The following ARL5B variants were observed in gnomAD, a reference collection of about 807,000 sequenced individuals.
ARL5B encodes the protein ADP-ribosylation factor-like protein 5B.
ARL5B carries 10 observed loss-of-function variants against 26.9 expected under a neutral mutation model. The ratio of observed to expected loss-of-function variants is 0.37; its 90% CI spans 0.23 to 0.63. The LOEUF (loss-of-function observed/expected upper bound fraction) is 0.63. Ranked by LOEUF, ARL5B falls within the 30% of genes least tolerant of loss-of-function variation. The probability of loss-of-function intolerance (pLI) is 0.62; values close to 1 mark genes in which losing one functional copy is unlikely to be tolerated. For synonymous variants in ARL5B, 87 were observed against 70.4 expected (o/e 1.24, Z -1.18); for missense variants, 167 against 213.9 (o/e 0.78, Z 1.37).
intron 1 of ARL5B, among the ~76,000 whole-genome samples, chr10:18,666,026 C>A (rs370704040): frequency 6.6e-6 from 1 of 152,100 alleles, no homozygotes. Flanking sequence ...AAATGTTAAA[C>A]AATGAGTAAT....
chr10:18,670,526 G>A (rs182559797), intron 3 of ARL5B, among the ~76,000 whole-genome samples: 97 of 152,208 alleles, frequency 6.4e-4, no homozygotes, highest in Non-Finnish European at 1.1e-3. Flanking sequence ...CATGAGAATC[G>A]CTTGAACCTG....
chr10:18,663,107 C>G (rs1208283858), intron 1 of ARL5B, among the ~76,000 whole-genome samples: 1 of 152,096 alleles, frequency 6.6e-6, no homozygotes, highest in Non-Finnish European at 1.5e-5. Flanking sequence ...CTCCCAAGTT[C>G]AAGCAATTCT....
Position 18,673,951 on chromosome 10 carries a change from T to C in ARL5B, c.340-33T>C, listed in dbSNP as rs550949885. On this transcript the variant is annotated intron_variant, in intron 4 of 5. Transcript: ENST00000377275. ...CTGGGTAAATTTAAATTGTGGTATT[T>C]CACATATTAGAAATATTTTGTCTTG... 5 of 1,567,854 alleles carry C rather than the reference T, an allele frequency of 3.2e-6. No homozygotes were observed. The East Asian group carries it at 7.0e-5, about 22-fold the overall frequency.
rs972442019 is a variant in ARL5B at position 18,659,462 on chromosome 10, G to T, written c.-176G>T. The T allele has an allele frequency of 1.3e-6, 1 of 771,398 alleles. No homozygotes were observed. The highest frequency in any genetic ancestry group is 1.9e-5 in the African/African-American group (1 of 53,322). The allele number at this position is 771,398 out of a possible 1,614,324, so 47.8% of individuals were successfully genotyped here. A position where few individuals can be genotyped will look rare whatever the true frequency, so the allele number is the denominator to read the frequency against. Reference sequence around the variant, plus strand: ...CTCGAAACAAAGGGCTGTCCGGTGGGGATTCGTCGCGGCGCCTTCTGAGTG... The same window carrying T: ...CTCGAAACAAAGGGCTGTCCGGTGGTGATTCGTCGCGGCGCCTTCTGAGTG... On this transcript the variant is annotated 5_prime_UTR_variant, in exon 1 of 6. Transcript: ENST00000377275.
chr10:18,675,095 T>G, intron 5 of ARL5B, 73 bp from the exon 6 acceptor site: 4 of 1,438,064 alleles, frequency 2.8e-6, no homozygotes, highest in Non-Finnish European at 3.9e-6. Context: ...GGTTAAGACC[T>G]AAAAATAATA....
Position 18,665,370 on chromosome 10 carries a change from A to G in ARL5B, c.47-1205A>G, listed in dbSNP as rs113610196. On this transcript the variant is annotated intron_variant, in intron 1 of 5. Coordinates refer to ENST00000377275, the MANE Select transcript of ARL5B (RefSeq NM_178815.5). ...AGAATTATAGTGAGTTATACTAAGC[A>G]GGCAAGTTTTGTTTTGTTTTACAAA... 4.6e-5 allele frequency among the ~76,000 whole-genome samples: 7 copies of G among 152,302 alleles called. 1 individual carries two copies. Among genetic ancestry groups the G allele is most frequent in the African/African-American group, 1.4e-4 (6 of 41,566 alleles).
intron 2 of ARL5B, 98 bp from the exon 3 acceptor site, chr10:18,668,432 T>A: frequency 7.8e-7 from 1 of 1,279,742 alleles, no homozygotes; most frequent in South Asian, 1.4e-5. Flanking sequence ...TCACCATCAT[T>A]GGTGCAGAAG....
chr10:18,671,905 C>T (rs1473366659), intron 3 of ARL5B, among the ~76,000 whole-genome samples: 1 of 152,208 alleles, frequency 6.6e-6, no homozygotes, highest in African/African-American at 2.4e-5. Flanking sequence ...TCCCACCTCA[C>T]CTCCCAGAGT....
intron 3 of ARL5B, among the ~76,000 whole-genome samples, chr10:18,669,597 A>G (rs1017258564): frequency 6.6e-6 from 1 of 152,142 alleles, no homozygotes; most frequent in African/African-American, 2.4e-5. Context: ...GTTTAGAGAG[A>G]TTTATCCTTG....
intron 2 of ARL5B, among the ~76,000 whole-genome samples, chr10:18,667,206 A>G (rs2059865230): frequency 6.6e-6 from 1 of 152,220 alleles, no homozygotes; most frequent in African/African-American, 2.4e-5. Context: ...AGTATTAAGC[A>G]GTAGAAGTGG....
intron 1 of ARL5B, among the ~76,000 whole-genome samples, chr10:18,665,526 G>C (rs762209790): frequency 4.9e-4 from 74 of 152,060 alleles, no homozygotes; most frequent in Non-Finnish European, 7.4e-5. Context: ...AATTTTCTTG[G>C]TCCCTCTTTT....
In ARL5B at chr10:18,659,565, C is replaced by T. The variant is rs545969621; in HGVS notation, c.-73C>T. The T allele has an allele frequency of 6.0e-6, 9 of 1,503,882 alleles. No individual in the cohort carries two copies. In the South Asian group the frequency reaches 7.7e-5, roughly 13 times the overall value. 93.2% of individuals were successfully genotyped at this position (1,503,882 alleles called of 1,614,324 possible). On this transcript the variant is annotated 5_prime_UTR_variant, in exon 1 of 6. Transcript: ENST00000377275. ...GGGTTCTCCTCGGCTCCGCGCAGCC[C>T]GCGCCGCGGTGGGGGACCCGGCGCA...
chr10:18,673,964 A>C lies in ARL5B; in HGVS notation c.340-20A>C, dbSNP rs2059899324. 6.3e-7 allele frequency: 1 copy of C among 1,578,640 alleles called. No individual in the cohort carries two copies. The highest frequency in any genetic ancestry group is 2.3e-5 in the East Asian group (1 of 43,210). On this transcript the variant is annotated intron_variant, in intron 4 of 5. Transcript: ENST00000377275. Reference sequence around the variant, plus strand: ...AATTGTGGTATTTCACATATTAGAAATATTTTGTCTTGATTGCAGGATTTA... The same window carrying C: ...AATTGTGGTATTTCACATATTAGAACTATTTTGTCTTGATTGCAGGATTTA...
chr10:18,681,272 T>G lies in ARL5B; in HGVS notation c.*6056T>G, dbSNP rs527889282. ...AGCATTAACAACAACAACAAAAAATTTAAAACAAGTAAATTAATGCATTCA... is the reference window on the plus strand; with the variant it reads ...AGCATTAACAACAACAACAAAAAATGTAAAACAAGTAAATTAATGCATTCA... On this transcript the variant is annotated 3_prime_UTR_variant, in exon 6 of 6. Coordinates refer to ENST00000377275, the MANE Select transcript of ARL5B (RefSeq NM_178815.5). 6.6e-6 allele frequency: 1 copy of G among 152,154 alleles called. No homozygotes were observed. The highest frequency in any genetic ancestry group is 2.4e-5 in the African/African-American group (1 of 41,448). The allele number at this position is 152,154 out of a possible 1,614,324, so 9.4% of individuals were successfully genotyped here. A position where few individuals can be genotyped will look rare whatever the true frequency, so the allele number is the denominator to read the frequency against.
intron 2 of ARL5B, among the ~76,000 whole-genome samples, chr10:18,668,195 A>C (rs558472157): frequency 9.6e-4 from 146 of 152,260 alleles, no homozygotes; most frequent in Admixed American, 4.4e-3. Context: ...TCAGGATGGC[A>C]TGGGACATTG....
intron 1 of ARL5B, among the ~76,000 whole-genome samples, chr10:18,665,866 G>A (rs1043493260): frequency 1.3e-5 from 2 of 152,094 alleles, no homozygotes; most frequent in Admixed American, 6.6e-5. Context: ...ACCACTTAAC[G>A]GAATAATTAG....
chr10:18,666,683 A>G (rs1177340669), intron 2 of ARL5B, 48 bp downstream of exon 2: 2 of 1,441,516 alleles, frequency 1.4e-6, no homozygotes, highest in Non-Finnish European at 1.9e-6. Flanking sequence ...ATTGAAACTA[A>G]TGTGTTTACA....
At chr10:18,668,081 T>C in intron 2 of ARL5B, among the ~76,000 whole-genome samples, 1 of 152,206 alleles carries the variant, frequency 6.6e-6, no homozygotes, top group East Asian at 1.9e-4. Context: ...TTAATATGCC[T>C]GAATTAATTT....
chr10:18,670,177 C>T (rs779906755), intron 3 of ARL5B, among the ~76,000 whole-genome samples: 16 of 151,916 alleles, frequency 1.1e-4, no homozygotes, highest in Non-Finnish European at 2.1e-4. Context: ...ACAAAGATGG[C>T]GTATCATAGA....
Sources: gnomAD v4.1 joint callset for allele counts (sites outside exome capture counted in the v4.1 genomes callset) on GRCh38, gnomAD v4.1.1 for gene constraint, MANE v1.5 for transcripts, NCBI Gene and HGNC (gene_info 2026-07-23, HGNC 2026-07-21) for gene names.